AFF2: variants seen among roughly 807,000 people sequenced by gnomAD.
The protein encoded by AFF2 is AF4/FMR2 family member 2.
AFF2 carries 14 observed loss-of-function variants against 76.9 expected under a neutral mutation model. The ratio of observed to expected loss-of-function variants is 0.18; its 90% CI spans 0.12 to 0.28. AFF2 has a LOEUF of 0.28. Ranked by LOEUF, AFF2 falls within the 10% of genes least tolerant of loss-of-function variation. The pLI is 1.00. For missense variants in AFF2, 868 were observed against 1,001.1 expected (o/e 0.87, Z 1.79); for synonymous variants, 398 against 366.7 (o/e 1.09, Z -0.98).
intron 1 of AFF2, among the ~76,000 whole-genome samples, chrX:148,638,225 A>G (rs782565575): frequency 4.5e-5 from 5 of 112,040 alleles, no homozygotes; most frequent in African/African-American, 1.6e-4. Flanking sequence ...TAAAGACATT[A>G]CCTGAGACTG....
intron 1 of AFF2, among the ~76,000 whole-genome samples, chrX:148,601,079 C>T (rs782179297): frequency 1.1e-3 from 124 of 112,599 alleles, no homozygotes; most frequent in Non-Finnish European, 1.5e-3. Context: ...ATTCTGAGAG[C>T]GTTTCTTTTA....
At chrX:148,574,746 C>T (rs781950078) in intron 1 of AFF2, among the ~76,000 whole-genome samples, 106 of 111,235 alleles carry the variant, frequency 9.5e-4, no homozygotes, top group Non-Finnish European at 1.7e-3. Flanking sequence ...ATAATAGTTA[C>T]TACCATTTAC....
At chrX:148,542,074 A>T (rs1213512823) in intron 1 of AFF2, among the ~76,000 whole-genome samples, 1 of 109,843 alleles carries the variant, frequency 9.1e-6, no homozygotes, top group African/African-American at 3.3e-5. Context: ...GAAAATGAAT[A>T]ACTTGTGTTT....
chrX:148,665,501 C>G (rs2054348948), intron 3 of AFF2, among the ~76,000 whole-genome samples: 1 of 110,917 alleles, frequency 9.0e-6, no homozygotes, highest in Admixed American at 9.6e-5. Flanking sequence ...AGCTTAAAGC[C>G]CTAAAGTCAG....
intron 1 of AFF2, among the ~76,000 whole-genome samples, chrX:148,624,221 C>T (rs2053899476): frequency 9.0e-6 from 1 of 111,498 alleles, no homozygotes; most frequent in East Asian, 2.8e-4. Flanking sequence ...ATCACCACGT[C>T]TAACCTCGTC....
intron 3 of AFF2, among the ~76,000 whole-genome samples, chrX:148,751,870 G>A (rs781898524): frequency 8.9e-5 from 10 of 111,963 alleles, no homozygotes; most frequent in Non-Finnish European, 1.5e-4. Context: ...AAACTAGAAG[G>A]CTTATAAACA....
At chrX:148,540,134 A>C (rs1390699840) in intron 1 of AFF2, among the ~76,000 whole-genome samples, 2 of 111,731 alleles carry the variant, frequency 1.8e-5, no homozygotes, top group African/African-American at 6.5e-5. Flanking sequence ...GAGAATGGCA[A>C]AGGGGTTTCT....
At chrX:148,981,977 A>C (rs1018736260) in intron 19 of AFF2, among the ~76,000 whole-genome samples, 1 of 112,207 alleles carries the variant, frequency 8.9e-6, no homozygotes, top group Non-Finnish European at 1.9e-5. Flanking sequence ...ATATTGACGA[A>C]CAAAAGAGAA....
At chrX:148,678,365 T>C (rs1287130506) in intron 3 of AFF2, among the ~76,000 whole-genome samples, 1 of 112,441 alleles carries the variant, frequency 8.9e-6, no homozygotes, top group African/African-American at 3.2e-5. Flanking sequence ...TTCACATGAA[T>C]TGAAAGAGCA....
At chrX:148,661,738 AT>A (rs1184174462) in intron 2 of AFF2, among the ~76,000 whole-genome samples, 169 bp from the exon 3 acceptor site, 2 of 111,455 alleles carry the variant, frequency 1.8e-5, no homozygotes, top group Middle Eastern at 4.6e-3. Flanking sequence ...AGTGTTCTTG[AT>A]TTTTTTTCTT....
intron 3 of AFF2, among the ~76,000 whole-genome samples, chrX:148,801,871 C>A (rs1557270966): frequency 2.7e-5 from 3 of 111,748 alleles, no homozygotes; most frequent in African/African-American, 9.8e-5. Context: ...CCCTTCCACT[C>A]TCTCCTCAAT....
Position 148,962,812 on chromosome X carries a change from G to C in AFF2, c.2788G>C (p.Val930Leu). ...LPEDPPRRRNVSGNNGPFGQD... is the reference protein window; with the variant it reads ...LPEDPPRRRNLSGNNGPFGQD... The stretch of plus-strand genomic sequence containing the variant: ...AGAGGACCCTCCACGCCGCAGAAAT[G>C]TCAGTGGCAATAATGGTCCCTTTGG... Residue 930 changes from valine to leucine, a missense_variant, in exon 13 of 21, where the codon GTC (valine) becomes CTC (leucine). This residue lies in a region of AFF2 where 532 missense variants were observed against 564.2 expected (regional missense o/e 0.94). Transcript: ENST00000370460. 8.3e-7 allele frequency: 1 copy of C among 1,209,645 alleles called. No individual in the cohort carries two copies.
chrX:148,958,277 T>A (rs1437161324), intron 11 of AFF2, 60 bp from the exon 12 acceptor site: 32 of 1,183,412 alleles, frequency 2.7e-5, no homozygotes, highest in Non-Finnish European at 3.6e-5. Context: ...GTGTATAAAA[T>A]ATGGATGTCT....
intron 1 of AFF2, among the ~76,000 whole-genome samples, chrX:148,553,995 T>G (rs2053023441): frequency 9.0e-6 from 1 of 111,297 alleles, no homozygotes; most frequent in Non-Finnish European, 1.9e-5. Flanking sequence ...GAGTTGAGGA[T>G]GCAAAGAGGA....
At chrX:148,590,197 C>A (rs2053509999) in intron 1 of AFF2, among the ~76,000 whole-genome samples, 1 of 108,522 alleles carries the variant, frequency 9.2e-6, no homozygotes, top group South Asian at 4.3e-4. Flanking sequence ...CTTGGATTTG[C>A]TGGCTCTCTG....
At chrX:148,551,349 G>T (rs1300794290) in intron 1 of AFF2, among the ~76,000 whole-genome samples, 3 of 109,030 alleles carry the variant, frequency 2.8e-5, no homozygotes, top group Non-Finnish European at 5.7e-5. Context: ...TGGGCATAGA[G>T]ATTTCTTATA....
intron 4 of AFF2, 120 bp downstream of exon 4, chrX:148,810,040 A>G (rs1557271691): frequency 3.1e-6 from 2 of 645,654 alleles, no homozygotes; most frequent in East Asian, 3.4e-5. Flanking sequence ...CTGATATTCT[A>G]CTTCAAGACC....
chrX:148,940,233 C>A (rs1247449802), intron 9 of AFF2, among the ~76,000 whole-genome samples: 1 of 111,076 alleles, frequency 9.0e-6, no homozygotes, highest in Non-Finnish European at 1.9e-5. Flanking sequence ...ACATTTAAAC[C>A]CCACCCCCCA....
chrX:148,573,647 GA>G (rs1168050626), intron 1 of AFF2, among the ~76,000 whole-genome samples: 2 of 105,339 alleles, frequency 1.9e-5, no homozygotes, highest in East Asian at 5.7e-4. Flanking sequence ...AACAATCCTT[GA>G]AAACCAACTG....
Sources: allele counts gnomAD v4.1 joint callset (sites outside exome capture counted in the v4.1 genomes callset), GRCh38; gene constraint gnomAD v4.1.1; regional missense constraint gnomAD v4.1.1; transcripts MANE v1.5; gene names NCBI Gene and HGNC (gene_info 2026-07-23, HGNC 2026-07-21).